The following TMEM192 variants were observed in gnomAD, a reference collection of about 807,000 sequenced individuals.
TMEM192 encodes transmembrane protein 192.
Under a neutral mutation model 26.7 loss-of-function variants are expected in TMEM192, and 20 were observed. The ratio of observed to expected loss-of-function variants is 0.75; its 90% confidence interval spans 0.53 to 1.09. The LOEUF is 1.09. Among genes scored for constraint, TMEM192 ranks in the 50% least tolerant of loss-of-function variants. The pLI, the probability that TMEM192 is intolerant of heterozygous loss-of-function variation, is 0.00. For synonymous variants in TMEM192, 124 were observed against 121.0 expected (o/e 1.02, Z -0.16); for missense variants, 304 against 322.6 (o/e 0.94, Z 0.44).
At chr4:165,111,215 TC>T (rs1235734414) in intron 1 of TMEM192, among the ~76,000 whole-genome samples, 1 of 152,184 alleles carries the variant, frequency 6.6e-6, no homozygotes, top group Non-Finnish European at 1.5e-5. Flanking sequence ...TTCTCCTGCC[TC>T]CCCAGTATCT....
At position 165,103,048 on chromosome 4, in the gene TMEM192, C is replaced by G; in HGVS notation, c.76G>C (p.Ala26Pro). Residue 26 changes from alanine (A) to proline (P), a missense_variant, in exon 2 of 6, where the codon GCC (alanine) becomes CCC (proline). Physicochemically the swap from Ala to Pro is conservative, Grantham distance 27. Coordinates refer to ENST00000306480, the MANE Select transcript of TMEM192 (RefSeq NM_001100389.2). ...AATGAGTGGTGTGGGAGAAGCTGGG[C>G]ATCCAGAAGTGGGTCGTCTTCAATA... The part of the protein sequence containing the change: ...QSIEDDPLLD[A>P]QLLPHHSLQA... 6.2e-7 allele frequency: 1 copy of G among 1,613,334 alleles called. No homozygotes were observed. Among genetic ancestry groups the G allele is most frequent in the Non-Finnish European group, 8.5e-7 (1 of 1,179,698 alleles).
chr4:165,084,893 G>T (rs1341741780), intron 5 of TMEM192, among the ~76,000 whole-genome samples: 1 of 152,148 alleles, frequency 6.6e-6, no homozygotes, highest in Non-Finnish European at 1.5e-5. Context: ...GACCGGGCTG[G>T]CTGTTTGGGA....
rs759572695 is a variant in TMEM192, at chr4:165,088,649, T to C, written c.440-47A>G. ...CACAGCATGTGATGAGAAATACATATATGGTCTTTGTCCAATAGATAGTTG... is the reference window on the plus strand; with the variant it reads ...CACAGCATGTGATGAGAAATACATACATGGTCTTTGTCCAATAGATAGTTG... On this transcript the variant is annotated intron_variant, in intron 3 of 5. Transcript: ENST00000306480. 9.0e-6 allele frequency: 14 copies of C among 1,558,472 alleles called. No homozygotes were observed. In the African/African-American group the frequency reaches 1.4e-4, roughly 15 times the overall value.
intron 3 of TMEM192, among the ~76,000 whole-genome samples, chr4:165,094,561 G>A (rs535805897): frequency 3.3e-5 from 5 of 152,088 alleles, no homozygotes; most frequent in African/African-American, 1.2e-4. Flanking sequence ...GGAGGCTGAG[G>A]CAGAAGAATC....
rs1385680662 is a variant in TMEM192 at position 165,075,570 on chromosome 4, A to C, written c.*4088T>G. 2 of 140,750 alleles carry C rather than the reference A, an allele frequency of 1.4e-5. No individual in the cohort carries two copies. Among genetic ancestry groups the C allele is most frequent in the African/African-American group, 5.1e-5 (2 of 39,308 alleles). The allele number at this position is 140,750 out of a possible 1,614,324, so 8.7% of individuals were successfully genotyped here. ...TGCCCAGCCGAAATACAAAATTTTT[A>C]GTATTTTTTTTTTTTTTTGAGATGG... is the stretch of plus-strand genomic sequence containing the variant. On this transcript the variant is annotated 3_prime_UTR_variant, in exon 6 of 6. Coordinates refer to ENST00000306480, the MANE Select transcript of TMEM192 (RefSeq NM_001100389.2).
rs543426633 is a variant in TMEM192, at chr4:165,101,511, C to T, written c.175-619G>A. ...TCTCTGGAGTAGCTGGAACTACAGG[C>T]CTGTGCCACCATGCCTGGCCAATTT... On this transcript the variant is annotated intron_variant, in intron 2 of 5. Coordinates refer to ENST00000306480, the MANE Select transcript of TMEM192 (RefSeq NM_001100389.2). 7.2e-5 allele frequency among the ~76,000 whole-genome samples: 11 copies of T among 152,182 alleles called. No homozygotes were observed. The South Asian group carries it at 2.3e-3, about 32-fold the overall frequency.
At chr4:165,111,469 C>T (rs966684078) in intron 1 of TMEM192, among the ~76,000 whole-genome samples, 5 of 152,146 alleles carry the variant, frequency 3.3e-5, no homozygotes, top group South Asian at 4.1e-4. Context: ...GATCCAAGAA[C>T]GCCAGAGCAG....
rs578184136 is a variant in TMEM192 at position 165,075,636 on chromosome 4, C to T, written c.*4022G>A. The T allele has an allele frequency of 6.2e-5, 9 of 146,204 alleles. No homozygotes were observed. Among genetic ancestry groups the T allele is most frequent in the African/African-American group, 2.0e-4 (8 of 39,780 alleles). The allele number at this position is 146,204 out of a possible 1,614,324, so 9.1% of individuals were successfully genotyped here. On this transcript the variant is annotated 3_prime_UTR_variant, in exon 6 of 6. Coordinates refer to ENST00000306480, the MANE Select transcript of TMEM192 (RefSeq NM_001100389.2). ...CCAGGCTAGAGTACAGTGGCGTGAT[C>T]TTGCCTCACTGCAACCTCCACCTGC...
At chr4:165,097,506 A>AAG (rs1426226418) in intron 3 of TMEM192, among the ~76,000 whole-genome samples, 12 of 149,384 alleles carry the variant, frequency 8.0e-5, no homozygotes, top group South Asian at 2.1e-4. Context: ...AAAAAAAAAA[A>AAG]AAAAGAAAAA....
intron 5 of TMEM192, among the ~76,000 whole-genome samples, chr4:165,085,343 G>T (rs914964454): frequency 4.0e-5 from 6 of 151,264 alleles, no homozygotes; most frequent in Non-Finnish European, 8.8e-5. Flanking sequence ...AGTTAATGAT[G>T]TCAAAAGCTC....
At chr4:165,095,509 G>C (rs1330315197) in intron 3 of TMEM192, among the ~76,000 whole-genome samples, 1 of 152,152 alleles carries the variant, frequency 6.6e-6, no homozygotes, top group Non-Finnish European at 1.5e-5. Context: ...CTAGAGGTGA[G>C]CAGGAAGGAC....
rs1158779269 is a variant in TMEM192, at chr4:165,088,582, TGAG to T, written c.457_459del (p.Leu153del). 2 of 1,612,822 alleles carry T rather than the reference TGAG, an allele frequency of 1.2e-6. No homozygotes were observed. On this transcript the variant is annotated inframe_deletion, in exon 4 of 6. Coordinates refer to ENST00000306480, the MANE Select transcript of TMEM192 (RefSeq NM_001100389.2). ...GGGAAGGAGTGCTGCATGCACAGTA[TGAG>T]GAGAAGCACTGTGTTGCCTGAGGAG...
intron 1 of TMEM192, among the ~76,000 whole-genome samples, chr4:165,107,150 A>C (rs1735180368): frequency 6.6e-6 from 1 of 151,066 alleles, no homozygotes; most frequent in Non-Finnish European, 1.5e-5. Flanking sequence ...TCAGCCTCCC[A>C]AGTAGCTGGA....
chr4:165,094,316 T>C (rs952332960), intron 3 of TMEM192, among the ~76,000 whole-genome samples: 4 of 151,968 alleles, frequency 2.6e-5, no homozygotes, highest in Non-Finnish European at 5.9e-5. Flanking sequence ...GGATTACAGG[T>C]GTGAGCCACC....
At position 165,082,484 on chromosome 4, in the gene TMEM192, G is replaced by A. The variant is rs540093124; in HGVS notation, c.678-2688C>T. ...TCTACCGCTCCTTCATCTGTATTCT[G>A]TAGCCCACACATTTTCAGAAATCAC... On this transcript the variant is annotated intron_variant, in intron 5 of 5. Coordinates refer to ENST00000306480, the MANE Select transcript of TMEM192 (RefSeq NM_001100389.2). Among the ~76,000 whole-genome samples the A allele has an allele frequency of 5.1e-5, 2 of 39,350 alleles. 1 individual carries two copies. Among genetic ancestry groups the A allele is most frequent in the East Asian group, 4.1e-3 (2 of 488 alleles). The allele number at this position is 39,350 out of a possible 152,430, so 25.8% of individuals were successfully genotyped here. A position where few individuals can be genotyped will look rare whatever the true frequency, so the allele number is the denominator to read the frequency against.
intron 5 of TMEM192, among the ~76,000 whole-genome samples, chr4:165,081,683 G>GACTGACCATCTTCTTTTTTTTTTTT (rs1734526415): frequency 5.6e-5 from 2 of 35,520 alleles, no homozygotes; most frequent in African/African-American, 1.0e-4. Flanking sequence ...GAGCCACCGT[G>GACTGACCATCTTCTTTTTTTTTTTT]TCCGGCAGAG....
chr4:165,088,544 T>C lies in TMEM192; in HGVS notation c.498A>G (p.Arg166=). ...TGGCCAGAATGAGGTCAAGATACAA[T>C]CTGCCAGGCTCTGGGAAGGAGTGCT... ...CMQHSFPEPG[R]LYLDLILAIL... is the part of the protein sequence containing the mutation. The change falls in exon 4 of 6, where the codon AGA becomes AGG. Residue 166 remains arginine, a synonymous_variant. Coordinates refer to ENST00000306480, the MANE Select transcript of TMEM192 (RefSeq NM_001100389.2). 6.2e-7 allele frequency: 1 copy of C among 1,613,500 alleles called. No individual in the cohort carries two copies. Among genetic ancestry groups the C allele is most frequent in the Non-Finnish European group, 8.5e-7 (1 of 1,179,784 alleles).
At chr4:165,102,271 T>C (rs557622111) in intron 2 of TMEM192, among the ~76,000 whole-genome samples, 1 of 152,310 alleles carries the variant, frequency 6.6e-6, no homozygotes, top group South Asian at 2.1e-4. Flanking sequence ...ATGTAGACTT[T>C]TCTGCATCTT....
Position 165,098,180 on chromosome 4 carries a change from A to G in TMEM192, c.439+2448T>C, listed in dbSNP as rs372026224. ...GCTCTTGTCACCCAGGCTGCAGTGC[A>G]ATGGTATGATTGCAGCTCACTGCAA... On this transcript the variant is annotated intron_variant, in intron 3 of 5. Transcript: ENST00000306480. Among the ~76,000 whole-genome samples, 29 of 151,590 alleles carry G rather than the reference A, an allele frequency of 1.9e-4. No individual in the cohort carries two copies. In the East Asian group the frequency reaches 2.6e-3, roughly 13 times the overall value.
Sources: allele counts gnomAD v4.1 joint callset (sites outside exome capture counted in the v4.1 genomes callset), GRCh38; gene constraint gnomAD v4.1.1; transcripts MANE v1.5; gene names NCBI Gene and HGNC (gene_info 2026-07-23, HGNC 2026-07-21).